Variants in VNN2 observed in about 807,000 individuals in gnomAD.
VNN2 encodes the protein pantetheine hydrolase VNN2.
In VNN2, 43 loss-of-function variants were observed where a neutral mutation model predicts 43.0. The observed-to-expected ratio is 1.00, with a 90% CI of 0.78 to 1.29. The LOEUF is 1.29. VNN2 is among the 50% of genes most tolerant of loss of function. The pLI is 0.00. For synonymous variants in VNN2, 230 were observed against 224.3 expected, an observed-to-expected ratio of 1.03 and a Z score of -0.23; for missense variants, 652 against 619.7, an observed-to-expected ratio of 1.05 and a Z score of -0.55.
intron 6 of VNN2, among the ~76,000 whole-genome samples, chr6:132,745,215 C>CT (rs1279008360): frequency 2.0e-5 from 3 of 152,194 alleles, no homozygotes; most frequent in South Asian, 4.1e-4. Context: ...CACAGCCATT[C>CT]TTTTTTTCCC....
intron 6 of VNN2, among the ~76,000 whole-genome samples, chr6:132,744,919 G>GAAA (rs143447195): frequency 0.046 from 6,844 of 149,004 alleles, 195 homozygotes; most frequent in East Asian, 0.13. Flanking sequence ...GGAGGTCTGA[G>GAAA]AAAAAAAAAA....
At chr6:132,748,105 C>T (rs1233224822) in intron 6 of VNN2, among the ~76,000 whole-genome samples, 1 of 152,194 alleles carries the variant, frequency 6.6e-6, no homozygotes, top group Non-Finnish European at 1.5e-5. Flanking sequence ...GAATATAATG[C>T]ATCAATATGG....
At position 132,751,491 on chromosome 6, in the gene VNN2, G is replaced by A; in HGVS notation, c.854C>T (p.Pro285Leu). The A allele has an allele frequency of 6.2e-7, 1 of 1,611,954 alleles. No homozygotes were observed. The change falls in exon 5 of 7, where the codon CCC (proline) becomes CTC (leucine). Residue 285 changes from proline to leucine, a missense_variant. Pro to Leu is a moderately conservative substitution (Grantham distance 98). Transcript: ENST00000326499. The stretch of plus-strand genomic sequence containing the variant: ...CTTCATGTCATAATGATACACTTTG[G>A]GACCATTTGGTGCATAAATACCACT... ...TGSGIYAPNG[P>L]KVYHYDMKTE...
intron 6 of VNN2, among the ~76,000 whole-genome samples, chr6:132,748,574 C>T (rs6925157): frequency 0.44 from 66,607 of 151,992 alleles, 14,813 homozygotes; most frequent in Middle Eastern, 0.57. Flanking sequence ...AATGATTTCA[C>T]CCTAGTTACT....
intron 5 of VNN2, 87 bp downstream of exon 5, chr6:132,751,058 A>G (rs1780047172): frequency 6.6e-7 from 1 of 1,506,992 alleles, no homozygotes; most frequent in East Asian, 2.3e-5. Context: ...AGCCAAGGAA[A>G]AGCACCTGGT....
chr6:132,749,753 T>C lies in VNN2; in HGVS notation c.1313A>G (p.Glu438Gly), dbSNP rs772037692. The C allele has an allele frequency of 6.2e-7, 1 of 1,614,058 alleles. No homozygotes were observed. Among genetic ancestry groups the C allele is most frequent in the Non-Finnish European group, 8.5e-7 (1 of 1,179,988 alleles). The change falls in exon 6 of 7, where the codon GAG becomes GGG. Residue 438 changes from glutamate to glycine, a missense_variant. Glu to Gly is a moderately conservative substitution (Grantham distance 98). Transcript: ENST00000326499. ...AAGTAGCACTTCAGGAAAAACATAC[T>C]CTGTTCCAAATGTGCCACTGAGGGA... The part of the protein sequence containing the change: ...MFSLSGTFGT[E>G]YVFPEVLLTE...
chr6:132,761,115 G>A (rs941731418), upstream of VNN2, among the ~76,000 whole-genome samples: 4 of 152,040 alleles, frequency 2.6e-5, no homozygotes, highest in African/African-American at 9.7e-5. Context: ...ACCAAATTCA[G>A]GACATACAGT....
intron 3 of VNN2, among the ~76,000 whole-genome samples, chr6:132,754,310 A>G (rs1056302244): frequency 6.6e-6 from 1 of 152,214 alleles, no homozygotes; most frequent in African/African-American, 2.4e-5. Context: ...AAATGCAGTG[A>G]TATATATGAA....
At chr6:132,752,322 CT>C (rs891059015) in intron 4 of VNN2, 138 bp downstream of exon 4, 133 of 985,482 alleles carry the variant, frequency 1.3e-4, no homozygotes, top group South Asian at 3.3e-4. Context: ...CAAGTGCTAG[CT>C]TTTTTTTTCT....
upstream of VNN2, among the ~76,000 whole-genome samples, chr6:132,758,431 AG>A (rs1156250231): frequency 2.0e-5 from 3 of 152,190 alleles, no homozygotes; most frequent in South Asian, 2.1e-4. Context: ...AAAGTATTAC[AG>A]GGATTGAACA....
chr6:132,762,708 C>G (rs1780765842), upstream of VNN2, among the ~76,000 whole-genome samples: 1 of 152,136 alleles, frequency 6.6e-6, no homozygotes. Flanking sequence ...ACAGCTGAAA[C>G]CAGAGCAAAT....
At chr6:132,756,693 G>C (rs1562251887) in intron 2 of VNN2, among the ~76,000 whole-genome samples, 1 of 152,098 alleles carries the variant, frequency 6.6e-6, no homozygotes, top group Non-Finnish European at 1.5e-5. Context: ...TTTCTTCCGA[G>C]TCTAAACACT....
intron 6 of VNN2, among the ~76,000 whole-genome samples, chr6:132,745,534 G>A (rs940885863): frequency 6.6e-6 from 1 of 152,150 alleles, no homozygotes; most frequent in African/African-American, 2.4e-5. Context: ...CATTCTTGAA[G>A]CTGGTGGGAT....
chr6:132,756,873 C>A (rs548237050), intron 2 of VNN2, among the ~76,000 whole-genome samples: 279 of 152,292 alleles, frequency 1.8e-3, no homozygotes, highest in Non-Finnish European at 3.1e-3. Flanking sequence ...CACGTTGACA[C>A]CTCCAGGATG....
At chr6:132,755,428 G>T (rs1294541201) in intron 3 of VNN2, among the ~76,000 whole-genome samples, 1 of 139,254 alleles carries the variant, frequency 7.2e-6, no homozygotes, top group Non-Finnish European at 1.5e-5. Flanking sequence ...AGGCTGGAGT[G>T]CAGTGACACA....
At chr6:132,745,286 G>T (rs146265857) in intron 6 of VNN2, among the ~76,000 whole-genome samples, 5,161 of 152,258 alleles carry the variant, frequency 0.034, 118 homozygotes, top group Non-Finnish European at 0.052. Context: ...CATGATCTTG[G>T]CTCACTGCAA....
At chr6:132,763,337 G>A (rs567196971) in intron 1 of VNN2, 1 of 152,350 alleles carries the variant, frequency 6.6e-6, no homozygotes, top group Non-Finnish European at 1.5e-5. Context: ...CAGTGAGCAA[G>A]GAAGCAAAGA....
intron 6 of VNN2, among the ~76,000 whole-genome samples, chr6:132,746,218 A>G (rs1038014880): frequency 6.6e-6 from 1 of 152,218 alleles, no homozygotes; most frequent in African/African-American, 2.4e-5. Context: ...AGATGTTTCC[A>G]CATTTGTGGG....
intron 6 of VNN2, among the ~76,000 whole-genome samples, chr6:132,749,182 C>T (rs2114536904): frequency 6.6e-6 from 1 of 152,240 alleles, no homozygotes; most frequent in Admixed American, 6.5e-5. Context: ...TAGCTCTTCC[C>T]ATTGAGAGGT....
Sources: gnomAD v4.1 joint callset for allele counts (sites outside exome capture counted in the v4.1 genomes callset) on GRCh38, gnomAD v4.1.1 for gene constraint, MANE v1.5 for transcripts, NCBI Gene and HGNC (gene_info 2026-07-23, HGNC 2026-07-21) for gene names.